The following JAG1 variants were observed in gnomAD, a reference collection of about 807,000 sequenced individuals.
The protein encoded by JAG1 is protein jagged-1.
A neutral mutation model predicts 148.7 loss-of-function variants in JAG1; 23 were observed. The observed-to-expected ratio is 0.15, with a 90% CI of 0.11 to 0.22. The LOEUF is 0.22. JAG1 is among the 10% of genes least tolerant of loss of function. The pLI is 1.00. For missense variants in JAG1, 1,054 were observed against 1,611.2 expected (o/e 0.65, Z 5.92); for synonymous variants, 572 against 598.3 (o/e 0.96, Z 0.64).
intron 5 of JAG1, among the ~76,000 whole-genome samples, chr20:10,654,056 TAAGGGTGTAGCCATTCTGTC>T (rs946734692): frequency 2.6e-5 from 4 of 152,248 alleles, no homozygotes; most frequent in African/African-American, 9.6e-5. Flanking sequence ...TAGTGGGAGG[TAAGGGTGTAGCCATTCTGTC>T]AAGGCTGATA....
chr20:10,647,064 G>A lies in JAG1; in HGVS notation c.1760C>T (p.Thr587Ile). Residue 587 changes from threonine to isoleucine, a missense_variant, in exon 14 of 26, where the codon ACA (threonine) becomes ATA (isoleucine). Physicochemically the swap from Thr to Ile is moderately conservative, Grantham distance 89. Around this residue, in one of 6 missense-constraint regions of JAG1, gnomAD observed 245 missense variants for 373.1 expected, o/e 0.66. Coordinates refer to ENST00000254958, the MANE Select transcript of JAG1 (RefSeq NM_000214.3). ...GGAAATATACCGCACCCCTTCAGGT[G>A]TGTCGTTGGAAGCCATGGCCACTGT... is the stretch of plus-strand genomic sequence containing the variant. ...SCTVAMASNDTPEGVRYISSN... is the reference protein window; with the variant it reads ...SCTVAMASNDIPEGVRYISSN... 1 of 1,614,242 alleles carries A rather than the reference G, an allele frequency of 6.2e-7. No homozygotes were observed. The highest frequency in any genetic ancestry group is 1.1e-5 in the South Asian group (1 of 91,088).
intron 7 of JAG1, 69 bp from the exon 8 acceptor site, chr20:10,651,763 A>C: frequency 1.1e-6 from 1 of 927,692 alleles, no homozygotes; most frequent in Non-Finnish European, 1.7e-6. Context: ...CCCCCCTCCA[A>C]CCGAATCCCA....
chr20:10,646,239 G>A (rs751299750), intron 14 of JAG1, 155 bp from the exon 15 acceptor site: 23 of 672,744 alleles, frequency 3.4e-5, no homozygotes, highest in Non-Finnish European at 5.1e-5. Context: ...TTAGACAGGC[G>A]GCTTATCAAG....
intron 5 of JAG1, among the ~76,000 whole-genome samples, chr20:10,654,056 T>C (rs751727976): frequency 2.6e-5 from 4 of 152,130 alleles, no homozygotes; most frequent in Non-Finnish European, 5.9e-5. Context: ...TAGTGGGAGG[T>C]AAGGGTGTAG....
At chr20:10,648,183 G>A (rs56039205) in intron 12 of JAG1, 73 bp from the exon 13 acceptor site, 2 of 1,561,224 alleles carry the variant, frequency 1.3e-6, no homozygotes, top group South Asian at 1.1e-5. Context: ...ACTTCTCTGG[G>A]GCAGCAGGCA....
intron 3 of JAG1, among the ~76,000 whole-genome samples, chr20:10,661,190 A>C (rs1253138392): frequency 6.6e-6 from 1 of 152,168 alleles, no homozygotes; most frequent in African/African-American, 2.4e-5. Context: ...CAAATACATA[A>C]ACAGCACCTA....
In JAG1 at chr20:10,644,785, G is replaced by T. The variant is rs983329313; in HGVS notation, c.2344+78C>A. Reference sequence around the variant, plus strand: ...CAGACATCAAACAGCTCTGCTTCTGGTTTCCATTGCAAGTCCCCAAGGGTG... The same window carrying T: ...CAGACATCAAACAGCTCTGCTTCTGTTTTCCATTGCAAGTCCCCAAGGGTG... On this transcript the variant is annotated intron_variant, in intron 18 of 25. Transcript: ENST00000254958. 5.9e-6 allele frequency: 6 copies of T among 1,012,720 alleles called. No individual in the cohort carries two copies. The African/African-American group carries it at 7.9e-5, about 13-fold the overall frequency. 62.7% of individuals were successfully genotyped at this position (1,012,720 alleles called of 1,614,324 possible). A position where few individuals can be genotyped will look rare whatever the true frequency, so the allele number is the denominator to read the frequency against.
chr20:10,648,480 A>ACAGGG, intron 12 of JAG1, 69 bp downstream of exon 12: 1 of 1,296,710 alleles, frequency 7.7e-7, no homozygotes, highest in Non-Finnish European at 1.1e-6. Context: ...AGGGAAAAGT[A>ACAGGG]AAGGGAAGCG....
intron 5 of JAG1, among the ~76,000 whole-genome samples, chr20:10,653,052 G>A: frequency 6.6e-6 from 1 of 152,038 alleles, no homozygotes; most frequent in East Asian, 1.9e-4. Context: ...GCACAGAAAT[G>A]CAACAAGCCA....
In JAG1 at chr20:10,644,276, TCACACACACACACACACACA is replaced by T. The variant is rs33967297; in HGVS notation, c.2372+61_2372+80del. 23 of 882,924 alleles carry T rather than the reference TCACACACACACACACACACA, an allele frequency of 2.6e-5. No homozygotes were observed. The East Asian group carries it at 2.8e-4, about 11-fold the overall frequency. The allele number at this position is 882,924 out of a possible 1,614,324, so 54.7% of individuals were successfully genotyped here. On this transcript the variant is annotated intron_variant, in intron 19 of 25. Transcript: ENST00000254958. ...TTTAAACACAATCCCTGGGTGATTC[TCACACACACACACACACACA>T]CACACACACACACACACACGATAGT...
At position 10,658,640 on chromosome 20, in the gene JAG1, C is replaced by G; in HGVS notation, c.522G>C (p.Thr174=). 6.2e-7 allele frequency: 1 copy of G among 1,614,228 alleles called. No individual in the cohort carries two copies. Among genetic ancestry groups the G allele is most frequent in the Non-Finnish European group, 8.5e-7 (1 of 1,180,040 alleles). ...SRQWQTLKQN[T]GVAHFEYQIR... ...TCTGATACTCAAAGTGGGCAACGCC[C>G]GTGTTCTGCTTCAGCGTCTGCCACT... Residue 174 remains threonine (T), a synonymous_variant, in exon 4 of 26, where the codon ACG becomes ACC. Coordinates refer to ENST00000254958, the MANE Select transcript of JAG1 (RefSeq NM_000214.3).
intron 5 of JAG1, among the ~76,000 whole-genome samples, chr20:10,653,172 C>T (rs914044264): frequency 6.6e-6 from 1 of 151,530 alleles, no homozygotes; most frequent in African/African-American, 2.4e-5. Flanking sequence ...AAACCCACTT[C>T]TATAGGGAAG....
Position 10,645,554 on chromosome 20 carries a change from A to G in JAG1, c.2000-85T>C, listed in dbSNP as rs1257234458. ...GAGAGCCAAGCCTTTCCTACTGCTT[A>G]CATCCAACATCCTATTCTGAGAACA... On this transcript the variant is annotated intron_variant, in intron 15 of 25. Coordinates refer to ENST00000254958, the MANE Select transcript of JAG1 (RefSeq NM_000214.3). The surrounding 1 kb of genome is among the most constrained non-coding windows in gnomAD (Gnocchi z 6.1). 2.0e-6 allele frequency: 2 copies of G among 986,838 alleles called. No individual in the cohort carries two copies. The highest frequency in any genetic ancestry group is 3.2e-6 in the Non-Finnish European group (2 of 620,686). 61.1% of individuals were successfully genotyped at this position (986,838 alleles called of 1,614,324 possible).
chr20:10,648,243 T>A (rs1352313076), intron 12 of JAG1, 133 bp from the exon 13 acceptor site: 2 of 1,048,352 alleles, frequency 1.9e-6, no homozygotes, highest in African/African-American at 1.6e-5. Context: ...CCCTGTAAGA[T>A]ACATCTCTAT....
intron 2 of JAG1, among the ~76,000 whole-genome samples, chr20:10,665,360 C>T (rs968838042): frequency 1.3e-5 from 2 of 152,190 alleles, no homozygotes; most frequent in East Asian, 1.9e-4. Flanking sequence ...GATTCCATTT[C>T]GTTCACTGAT....
At chr20:10,648,761 T>C (rs770272475) in intron 11 of JAG1, 39 bp from the exon 12 acceptor site, 1 of 1,588,184 alleles carries the variant, frequency 6.3e-7, no homozygotes, top group Non-Finnish European at 8.6e-7. Context: ...ACATGCTTTT[T>C]TTCTATGTAT....
chr20:10,665,978 A>C (rs2122635043), intron 2 of JAG1, among the ~76,000 whole-genome samples: 1 of 152,272 alleles, frequency 6.6e-6, no homozygotes, highest in South Asian at 2.1e-4. Context: ...CCTGGAGAGA[A>C]AAGAATTGCA....
chr20:10,651,120 A>G (rs2067342989), intron 8 of JAG1: 1 of 160,368 alleles, frequency 6.2e-6, no homozygotes, highest in African/African-American at 2.4e-5. Flanking sequence ...TGGGGGACCC[A>G]GAGATTTACA....
Position 10,673,904 on chromosome 20 carries a change from G to GA in JAG1, c.-375dup, listed in dbSNP as rs201660680. On this transcript the variant is annotated 5_prime_UTR_variant, in exon 1 of 26. Coordinates refer to ENST00000254958, the MANE Select transcript of JAG1 (RefSeq NM_000214.3). The surrounding 1 kb of genome is among the most constrained non-coding windows in gnomAD (Gnocchi z 4.7). ...ATGGAAAAAGGGGGGAGGGAGGGGA[G>GA]AAAAAAAAAAACCAGCCTAGCTCGC... The GA allele has an allele frequency of 2.8e-4, 41 of 149,022 alleles. No individual in the cohort carries two copies. The highest frequency in any genetic ancestry group is 4.4e-4 in the Non-Finnish European group (30 of 67,662). The allele number at this position is 149,022 out of a possible 1,614,324, so 9.2% of individuals were successfully genotyped here. A position where few individuals can be genotyped will look rare whatever the true frequency, so the allele number is the denominator to read the frequency against.
Sources: allele counts gnomAD v4.1 joint callset (sites outside exome capture counted in the v4.1 genomes callset), GRCh38; gene constraint gnomAD v4.1.1; regional missense constraint gnomAD v4.1.1; non-coding constraint Gnocchi (gnomAD v3.1); transcripts MANE v1.5; gene names NCBI Gene and HGNC (gene_info 2026-07-23, HGNC 2026-07-21).